The following CEP83 variants were observed in gnomAD, a reference collection of about 807,000 sequenced individuals.
CEP83 encodes centrosomal protein of 83 kDa.
In CEP83, 70 loss-of-function variants were observed where a neutral mutation model predicts 101.9. The observed-to-expected ratio is 0.69, with a 90% CI of 0.57 to 0.84. CEP83 has a LOEUF of 0.84. Ranked by LOEUF, CEP83 falls within the 40% of genes least tolerant of loss-of-function variation. The pLI is 0.00. For missense variants in CEP83, 715 were observed against 787.2 expected (o/e 0.91, Z 1.10); for synonymous variants, 264 against 267.9 (o/e 0.99, Z 0.14).
chr12:94,279,886 T>G, the CEP83 span: 4 of 666,826 alleles, frequency 6.0e-6, no homozygotes, highest in Admixed American at 4.2e-5. Context: ...TGTTGTTGTC[T>G]TTAAATATTA....
chr12:94,397,603 A>T (rs1352718528), intron 6 of CEP83, among the ~76,000 whole-genome samples: 1 of 152,218 alleles, frequency 6.6e-6, no homozygotes, highest in East Asian at 1.9e-4. Flanking sequence ...ATTAGTCATC[A>T]GATTTCGAAT....
chr12:94,271,562 T>C, the CEP83 span, among the ~76,000 whole-genome samples: 1 of 152,168 alleles, frequency 6.6e-6, no homozygotes, highest in African/African-American at 2.4e-5. Context: ...TAGTCTTGGG[T>C]TTGAATCTGG....
At chr12:94,275,591 C>T in the CEP83 span, among the ~76,000 whole-genome samples, 4 of 140,968 alleles carry the variant, frequency 2.8e-5, 1 homozygote, top group Non-Finnish European at 4.6e-5. Context: ...CGGTGGCTCA[C>T]GCCTGTAATC....
intron 1 of CEP83, among the ~76,000 whole-genome samples, chr12:94,442,092 A>C (rs537211039): frequency 1.3e-5 from 2 of 152,092 alleles, no homozygotes; most frequent in African/African-American, 2.4e-5. Context: ...AATGCCCATC[A>C]ACCAATGAGT....
the CEP83 span, among the ~76,000 whole-genome samples, chr12:94,287,384 A>G: frequency 0.21 from 32,604 of 152,000 alleles, 4,019 homozygotes; most frequent in Admixed American, 0.28. Context: ...AGTGGGGCAC[A>G]CTCGTCCCCT....
At chr12:94,456,774 T>G (rs1328757655) in intron 1 of CEP83, among the ~76,000 whole-genome samples, 2 of 152,154 alleles carry the variant, frequency 1.3e-5, no homozygotes, top group African/African-American at 4.8e-5. Flanking sequence ...TAATTCAAGG[T>G]GAGATTTGGG....
the CEP83 span, among the ~76,000 whole-genome samples, chr12:94,290,500 G>A: frequency 1.3e-5 from 2 of 152,224 alleles, no homozygotes; most frequent in Non-Finnish European, 2.9e-5. Context: ...GCCCCAGCCG[G>A]CCCCTGCCCA....
chr12:94,437,671 C>T (rs796351325), intron 1 of CEP83, among the ~76,000 whole-genome samples: 7 of 152,246 alleles, frequency 4.6e-5, no homozygotes, highest in African/African-American at 1.4e-4. Context: ...CTTTTTCATA[C>T]AAACGAATGC....
intron 6 of CEP83, among the ~76,000 whole-genome samples, chr12:94,391,071 G>A (rs2062495486): frequency 6.6e-6 from 1 of 152,188 alleles, no homozygotes; most frequent in Non-Finnish European, 1.5e-5. Flanking sequence ...TTATCCAGAA[G>A]AACTTCCCCA....
At position 94,308,841 on chromosome 12, in the gene CEP83, AGTT is replaced by A. The variant is rs879255576; in HGVS notation, c.2075_2077del (p.Gln692del). On this transcript the variant is annotated inframe_deletion, in exon 17 of 17. Coordinates refer to ENST00000397809, the MANE Select transcript of CEP83 (RefSeq NM_016122.3). ...TTCTCCGGAAGATCCAAGTTCCTCT[AGTT>A]GTTTTCTTTGTGTTGTTTCCAGTTC... 4.3e-6 allele frequency: 7 copies of A among 1,611,862 alleles called. No individual in the cohort carries two copies. The highest frequency in any genetic ancestry group is 5.9e-6 in the Non-Finnish European group (7 of 1,178,156).
At chr12:94,298,559 C>A in the CEP83 span, 1 of 1,194,230 alleles carries the variant, frequency 8.4e-7, no homozygotes, top group Non-Finnish European at 1.2e-6. Context: ...TGTGGATTTG[C>A]TTTTGCTATT....
chr12:94,356,762 C>A (rs4761608), intron 11 of CEP83, among the ~76,000 whole-genome samples: 2 of 152,178 alleles, frequency 1.3e-5, no homozygotes, highest in African/African-American at 4.8e-5. Context: ...CGCTCTTACT[C>A]GAGCTTGTCT....
intron 11 of CEP83, among the ~76,000 whole-genome samples, chr12:94,356,497 C>T (rs1014177253): frequency 6.6e-6 from 1 of 152,104 alleles, no homozygotes; most frequent in Non-Finnish European, 1.5e-5. Context: ...GCGCCTCGAG[C>T]GATGGCTCTT....
At chr12:94,282,104 A>G in the CEP83 span, 3 of 516,086 alleles carry the variant, frequency 5.8e-6, no homozygotes, top group African/African-American at 6.1e-5. Context: ...AGTGGTTTGA[A>G]ACATCAGAGC....
chr12:94,334,943 T>A (rs1465880258), intron 12 of CEP83, among the ~76,000 whole-genome samples: 3 of 152,126 alleles, frequency 2.0e-5, no homozygotes, highest in African/African-American at 7.2e-5. Context: ...AAACGTTATG[T>A]CCATCTAGTT....
chr12:94,305,144 C>G (rs186429860), downstream of CEP83: 18 of 1,388,306 alleles, frequency 1.3e-5, no homozygotes, highest in Non-Finnish European at 1.8e-5. Context: ...AACGCTAAAA[C>G]CACAATATCT....
At chr12:94,280,152 T>G in the CEP83 span, 2 of 243,508 alleles carry the variant, frequency 8.2e-6, no homozygotes, top group South Asian at 4.7e-5. Flanking sequence ...CCGTCCTCCC[T>G]CAGTGTGCAG....
intron 6 of CEP83, among the ~76,000 whole-genome samples, chr12:94,390,147 T>C (rs542036390): frequency 6.6e-6 from 1 of 152,284 alleles, no homozygotes; most frequent in African/African-American, 2.4e-5. Context: ...GCTCTGAGAA[T>C]GGACAGACTG....
At chr12:94,381,242 T>C (rs1318553448) in intron 6 of CEP83, among the ~76,000 whole-genome samples, 2 of 152,184 alleles carry the variant, frequency 1.3e-5, no homozygotes, top group East Asian at 3.8e-4. Flanking sequence ...CCATTCTCAA[T>C]CAGACTTACA....
Sources: allele counts gnomAD v4.1 joint callset (sites outside exome capture counted in the v4.1 genomes callset), GRCh38; gene constraint gnomAD v4.1.1; transcripts MANE v1.5; gene names NCBI Gene and HGNC (gene_info 2026-07-23, HGNC 2026-07-21).